The following ASTN2 variants were observed in gnomAD, a reference collection of about 807,000 sequenced individuals.
ASTN2 encodes the protein astrotactin-2.
Under a neutral mutation model 139.8 loss-of-function variants are expected in ASTN2, and 54 were observed. That is an observed-to-expected ratio of 0.39 (90% CI 0.31 to 0.48). The LOEUF (loss-of-function observed/expected upper bound fraction) is 0.48, where lower values mean the gene tolerates loss of function less well. ASTN2 is among the 20% of genes least tolerant of loss of function. The pLI, the probability that ASTN2 is intolerant of heterozygous loss-of-function variation, is 0.95. For synonymous variants in ASTN2, 756 were observed against 719.5 expected (o/e 1.05, Z -0.81); for missense variants, 1,565 against 1,725.1 (o/e 0.91, Z 1.64).
intron 1 of ASTN2, among the ~76,000 whole-genome samples, chr9:117,330,257 T>G (rs1828659478): frequency 6.6e-6 from 1 of 152,202 alleles, no homozygotes; most frequent in Admixed American, 6.5e-5. Flanking sequence ...TAACTCCTGC[T>G]CATTTTCACA....
At chr9:117,279,732 T>C (rs534887026) in intron 2 of ASTN2, among the ~76,000 whole-genome samples, 22 of 152,314 alleles carry the variant, frequency 1.4e-4, no homozygotes, top group African/African-American at 5.1e-4. Context: ...ATAACTATAA[T>C]AAAATAATGA....
chr9:116,570,588 G>A (rs999167020), intron 19 of ASTN2, among the ~76,000 whole-genome samples: 6 of 152,080 alleles, frequency 3.9e-5, no homozygotes, highest in Non-Finnish European at 7.4e-5. Flanking sequence ...TAGTACAGAC[G>A]GGGTTTCACC....
intron 3 of ASTN2, among the ~76,000 whole-genome samples, chr9:117,208,288 A>G (rs938427323): frequency 6.6e-6 from 1 of 152,172 alleles, no homozygotes; most frequent in Non-Finnish European, 1.5e-5. Flanking sequence ...TACATGATAC[A>G]TTCAACAAAG....
intron 11 of ASTN2, among the ~76,000 whole-genome samples, chr9:116,832,110 G>A (rs563092060): frequency 1.3e-5 from 2 of 152,070 alleles, no homozygotes; most frequent in Non-Finnish European, 2.9e-5. Flanking sequence ...AATTGCAAAT[G>A]GGATTGTATT....
intron 1 of ASTN2, among the ~76,000 whole-genome samples, chr9:117,338,058 A>G (rs1828941911): frequency 6.6e-6 from 1 of 152,204 alleles, no homozygotes; most frequent in African/African-American, 2.4e-5. Context: ...TCTCGCATTT[A>G]TCTATCTACA....
At chr9:116,889,257 C>A (rs988399753) in intron 10 of ASTN2, among the ~76,000 whole-genome samples, 2 of 152,170 alleles carry the variant, frequency 1.3e-5, no homozygotes, top group African/African-American at 4.8e-5. Flanking sequence ...CAAGAGGGAG[C>A]AGGGAACTGC....
chr9:116,678,578 A>G (rs1859644416), intron 16 of ASTN2, among the ~76,000 whole-genome samples: 1 of 152,206 alleles, frequency 6.6e-6, no homozygotes, highest in African/African-American at 2.4e-5. Flanking sequence ...GTCTTAACCT[A>G]CAAGTGTAAT....
rs548325701 is a variant in ASTN2 at position 116,516,316 on chromosome 9, C to T, written c.3356-28816G>A. On this transcript the variant is annotated intron_variant, in intron 19 of 22. Coordinates refer to ENST00000313400, the MANE Select transcript of ASTN2 (RefSeq NM_001365068.1). ...ATGGGTCTTCTGTCTTTATATCCTG[C>T]TGGAGGTAGCAGCTAACATGTTTGA... 8.5e-5 allele frequency among the ~76,000 whole-genome samples: 13 copies of T among 152,248 alleles called. No individual in the cohort carries two copies. The East Asian group carries it at 2.3e-3, about 27-fold the overall frequency.
At chr9:117,124,590 C>A (rs2132821633) in intron 4 of ASTN2, among the ~76,000 whole-genome samples, 1 of 152,250 alleles carries the variant, frequency 6.6e-6, no homozygotes, top group South Asian at 2.1e-4. Context: ...GATGCTTTAG[C>A]ATGACAAGTG....
chr9:116,809,583 A>C (rs1396730761), intron 12 of ASTN2, among the ~76,000 whole-genome samples: 1 of 152,212 alleles, frequency 6.6e-6, no homozygotes, highest in East Asian at 1.9e-4. Flanking sequence ...TTTTCCTTTC[A>C]AATGAATTTC....
intron 19 of ASTN2, among the ~76,000 whole-genome samples, chr9:116,512,979 C>T (rs767880020): frequency 3.4e-4 from 52 of 152,218 alleles, no homozygotes; most frequent in Middle Eastern, 3.4e-3. Context: ...GTCTTTTAAT[C>T]GGAGCATTTA....
At chr9:116,888,515 T>C (rs73518241) in intron 10 of ASTN2, among the ~76,000 whole-genome samples, 3,225 of 152,144 alleles carry the variant, frequency 0.021, 120 homozygotes, top group African/African-American at 0.071. Context: ...CCAGAGGTTC[T>C]TTCTTTTGTT....
chr9:117,266,611 C>T (rs1275600360), intron 2 of ASTN2, among the ~76,000 whole-genome samples: 1 of 152,206 alleles, frequency 6.6e-6, no homozygotes, highest in East Asian at 1.9e-4. Context: ...ACTACACTGA[C>T]CCATGTCTAC....
intron 12 of ASTN2, among the ~76,000 whole-genome samples, chr9:116,816,139 A>T (rs1831320995): frequency 6.6e-6 from 1 of 152,164 alleles, no homozygotes; most frequent in African/African-American, 2.4e-5. Flanking sequence ...TCTTTATATG[A>T]ATAGCCTTTT....
At chr9:117,204,631 G>A (rs140471350) in intron 3 of ASTN2, among the ~76,000 whole-genome samples, 15 of 152,294 alleles carry the variant, frequency 9.8e-5, no homozygotes, top group African/African-American at 3.6e-4. Flanking sequence ...TTTGGGTTGG[G>A]TTGAGGAAGA....
intron 13 of ASTN2, among the ~76,000 whole-genome samples, chr9:116,791,039 G>GAAAGAAAGAAAGAAAAGA (rs1554746886): frequency 1.2e-5 from 1 of 82,102 alleles, no homozygotes; most frequent in African/African-American, 4.1e-5. Context: ...AAGAAAGAAA[G>GAAAGAAAGAAAGAAAAGA]AAAGAAAAGA....
At chr9:117,117,108 G>A (rs899917620) in intron 4 of ASTN2, among the ~76,000 whole-genome samples, 35 of 152,020 alleles carry the variant, frequency 2.3e-4, no homozygotes, top group African/African-American at 8.2e-4. Flanking sequence ...GGTTTTCACA[G>A]CAGTCAAGAA....
At chr9:117,402,059 A>G (rs1184645575) in intron 1 of ASTN2, among the ~76,000 whole-genome samples, 2 of 152,124 alleles carry the variant, frequency 1.3e-5, no homozygotes, top group Admixed American at 6.5e-5. Flanking sequence ...TTAATTCTGA[A>G]AATCTTTTCC....
intron 2 of ASTN2, among the ~76,000 whole-genome samples, chr9:117,282,188 C>A (rs1311495581): frequency 6.6e-6 from 1 of 152,140 alleles, no homozygotes; most frequent in Non-Finnish European, 1.5e-5. Context: ...TTCTTTATTT[C>A]TCTCCGTCTC....
Sources: gnomAD v4.1 joint callset for allele counts (sites outside exome capture counted in the v4.1 genomes callset) on GRCh38, gnomAD v4.1.1 for gene constraint, MANE v1.5 for transcripts, NCBI Gene and HGNC (gene_info 2026-07-23, HGNC 2026-07-21) for gene names.